Variants in SMAD6 observed in about 807,000 individuals in gnomAD.
SMAD6 encodes the protein MAD homolog 6.
In SMAD6, 103 loss-of-function variants were observed where a neutral mutation model predicts 39.4. The ratio of observed to expected loss-of-function variants is 2.62; its 90% CI spans 2.23 to 3.08. The LOEUF is 3.08. Among genes scored for constraint, SMAD6 ranks in the 30% most tolerant of loss-of-function variants. The pLI is 0.00. For synonymous variants in SMAD6, 445 were observed against 353.3 expected (o/e 1.26, Z -2.91); for missense variants, 1,104 against 742.9 (o/e 1.49, Z -5.65).
Position 66,703,990 on chromosome 15 carries a change from G to T in SMAD6, c.732G>T (p.Leu244=), listed in dbSNP as rs1180155842. 6.7e-7 allele frequency: 1 copy of T among 1,484,422 alleles called. No individual in the cohort carries two copies. The highest frequency in any genetic ancestry group is 1.3e-5 in the South Asian group (1 of 79,096). 92.0% of individuals were successfully genotyped at this position (1,484,422 alleles called of 1,614,324 possible). A position where few individuals can be genotyped will look rare whatever the true frequency, so the allele number is the denominator to read the frequency against. Reference sequence around the variant, plus strand: ...AGCACGCCGTGGAGCTGAAGCCCCTGTGCGGCTGCCACAGCTTCGCCGCCG... The same window carrying T: ...AGCACGCCGTGGAGCTGAAGCCCCTTTGCGGCTGCCACAGCTTCGCCGCCG... ...DLQHAVELKP[L]CGCHSFAAAA... Residue 244 remains leucine, a synonymous_variant, in exon 1 of 4, where the codon CTG becomes CTT. Coordinates refer to ENST00000288840, the MANE Select transcript of SMAD6 (RefSeq NM_005585.5).
intron 3 of SMAD6, among the ~76,000 whole-genome samples, chr15:66,750,072 C>T (rs75335401): frequency 6.8e-4 from 103 of 152,246 alleles, no homozygotes; most frequent in African/African-American, 2.4e-3. Flanking sequence ...GGCCCTGTAT[C>T]GATTGCCAGC....
At chr15:66,744,893 C>A (rs1893881304) in intron 3 of SMAD6, among the ~76,000 whole-genome samples, 1 of 152,196 alleles carries the variant, frequency 6.6e-6, no homozygotes, top group African/African-American at 2.4e-5. Flanking sequence ...GACTGAGCCT[C>A]AGTTTTCTTA....
intron 1 of SMAD6, chr15:66,708,686 A>G (rs767689205): frequency 8.5e-6 from 4 of 470,406 alleles, no homozygotes; most frequent in Admixed American, 4.7e-5. Flanking sequence ...ACAAAAGGCC[A>G]TATATTGTAT....
intron 3 of SMAD6, among the ~76,000 whole-genome samples, chr15:66,776,072 G>C (rs149403125): frequency 0.014 from 2,140 of 152,344 alleles, 18 homozygotes; most frequent in Admixed American, 0.021. Context: ...GCTAAAGCAG[G>C]GCTCATTCTA....
chr15:66,729,644 T>C (rs531756263), intron 3 of SMAD6, among the ~76,000 whole-genome samples: 1 of 152,332 alleles, frequency 6.6e-6, no homozygotes, highest in South Asian at 2.1e-4. Flanking sequence ...CAGGCCCTTC[T>C]GAGGGAGCAC....
rs138179716 is a variant in SMAD6 at position 66,708,777 on chromosome 15, T to C, written c.818-2891T>C. ...TGCCCAGGGTTTTGGGGTTGGGGTCTAGAAAGTGACTGCCAATGGGGATGG... is the reference window on the plus strand; with the variant it reads ...TGCCCAGGGTTTTGGGGTTGGGGTCCAGAAAGTGACTGCCAATGGGGATGG... On this transcript the variant is annotated intron_variant, in intron 1 of 3. Transcript: ENST00000288840. 874 of 468,242 alleles carry C rather than the reference T, an allele frequency of 1.9e-3. 5 individuals are homozygous for C. The highest frequency in any genetic ancestry group is 0.016 in the African/African-American group (803 of 50,140). The allele number at this position is 468,242 out of a possible 1,614,324, so 29.0% of individuals were successfully genotyped here.
intron 3 of SMAD6, among the ~76,000 whole-genome samples, chr15:66,756,545 C>T (rs1340651021): frequency 6.6e-6 from 1 of 152,226 alleles, no homozygotes; most frequent in Non-Finnish European, 1.5e-5. Context: ...CTGGCGCTGC[C>T]ATGCCAACAG....
At chr15:66,767,301 TGG>T (rs1290604690) in intron 3 of SMAD6, among the ~76,000 whole-genome samples, 6 of 152,196 alleles carry the variant, frequency 3.9e-5, no homozygotes, top group Non-Finnish European at 7.4e-5. Context: ...CTTCTTGGCA[TGG>T]GCTGTGGGAA....
At chr15:66,754,103 T>G (rs1894055584) in intron 3 of SMAD6, among the ~76,000 whole-genome samples, 1 of 152,208 alleles carries the variant, frequency 6.6e-6, no homozygotes, top group Admixed American at 6.5e-5. Context: ...TGCCTGGTCT[T>G]CAAAAACAGG....
intron 3 of SMAD6, among the ~76,000 whole-genome samples, chr15:66,771,801 G>A (rs1894384401): frequency 6.6e-6 from 1 of 152,198 alleles, no homozygotes; most frequent in Non-Finnish European, 1.5e-5. Flanking sequence ...GGGGCTAGCA[G>A]CCCTTTCCCA....
chr15:66,780,647 G>A (rs775540119), intron 3 of SMAD6, among the ~76,000 whole-genome samples: 66 of 152,344 alleles, frequency 4.3e-4, no homozygotes, highest in Middle Eastern at 6.8e-3. Context: ...CTTTGGGGGC[G>A]TGCAGGCAGT....
intron 3 of SMAD6, among the ~76,000 whole-genome samples, chr15:66,765,666 C>T (rs1289260978): frequency 6.6e-6 from 1 of 152,182 alleles, no homozygotes; most frequent in Non-Finnish European, 1.5e-5. Flanking sequence ...GGGAAGATCT[C>T]CCCATTTCAC....
intron 3 of SMAD6, among the ~76,000 whole-genome samples, chr15:66,718,721 G>T (rs1300520134): frequency 6.6e-6 from 1 of 152,164 alleles, no homozygotes; most frequent in Non-Finnish European, 1.5e-5. Context: ...GGTCCTGTGG[G>T]TTAAGCTGCC....
chr15:66,772,417 C>T (rs886158605), intron 3 of SMAD6, among the ~76,000 whole-genome samples: 2 of 152,116 alleles, frequency 1.3e-5, no homozygotes, highest in African/African-American at 2.4e-5. Context: ...ATATTATTAT[C>T]GTGACTATTA....
intron 1 of SMAD6, chr15:66,708,641 G>A (rs892976347): frequency 6.7e-6 from 3 of 444,882 alleles, no homozygotes; most frequent in African/African-American, 4.0e-5. Flanking sequence ...GATGAACTTC[G>A]ATGACTTTGT....
chr15:66,709,216 A>T (rs1318979701), intron 1 of SMAD6, among the ~76,000 whole-genome samples: 1 of 152,238 alleles, frequency 6.6e-6, no homozygotes, highest in East Asian at 1.9e-4. Flanking sequence ...TGCAGTTGTT[A>T]AACAGTTGTG....
At chr15:66,757,729 C>A (rs1188318527) in intron 3 of SMAD6, among the ~76,000 whole-genome samples, 1 of 152,230 alleles carries the variant, frequency 6.6e-6, no homozygotes. Flanking sequence ...GGGGGTCTGG[C>A]CAGGGCTGCC....
chr15:66,774,783 T>C (rs1321145626), intron 3 of SMAD6, among the ~76,000 whole-genome samples: 1 of 152,202 alleles, frequency 6.6e-6, no homozygotes, highest in African/African-American at 2.4e-5. Context: ...AAAGTTCTCT[T>C]GTGCCTCTTC....
intron 2 of SMAD6, among the ~76,000 whole-genome samples, chr15:66,713,982 G>A (rs1209621513): frequency 6.6e-6 from 1 of 152,186 alleles, no homozygotes; most frequent in East Asian, 1.9e-4. Flanking sequence ...ACTCAGAGCA[G>A]CCCCCACTCA....
Sources: gnomAD v4.1 joint callset for allele counts (sites outside exome capture counted in the v4.1 genomes callset) on GRCh38, gnomAD v4.1.1 for gene constraint, MANE v1.5 for transcripts, NCBI Gene and HGNC (gene_info 2026-07-23, HGNC 2026-07-21) for gene names.